The following COL19A1 variants were observed in gnomAD, a reference collection of about 807,000 sequenced individuals.
The protein encoded by COL19A1 is collagen type XIX alpha 1 chain, also known as collagen alpha-1(XIX) chain.
Under a neutral mutation model 190.2 loss-of-function variants are expected in COL19A1, and 159 were observed. That is an observed-to-expected ratio of 0.84 (90% CI 0.73 to 0.95). The LOEUF is 0.95. COL19A1 is among the 40% of genes least tolerant of loss of function. The pLI is 0.00. For synonymous variants in COL19A1, 509 were observed against 458.9 expected (o/e 1.11, Z -1.39); for missense variants, 1,418 against 1,431.9 (o/e 0.99, Z 0.16).
chr6:69,889,488 T>G (rs1159578023), intron 2 of COL19A1, among the ~76,000 whole-genome samples: 1 of 152,216 alleles, frequency 6.6e-6, no homozygotes, highest in Non-Finnish European at 1.5e-5. Context: ...AGAACTTTTC[T>G]GTCTAGCTAA....
At chr6:69,926,763 G>A (rs1772425182) in intron 4 of COL19A1, among the ~76,000 whole-genome samples, 1 of 152,060 alleles carries the variant, frequency 6.6e-6, no homozygotes, top group African/African-American at 2.4e-5. Context: ...TATACATTCA[G>A]GAAGCTCAAC....
At chr6:70,140,036 AG>A (rs1272107144) in intron 19 of COL19A1, among the ~76,000 whole-genome samples, 1 of 151,980 alleles carries the variant, frequency 6.6e-6, no homozygotes, top group Non-Finnish European at 1.5e-5. Flanking sequence ...AAAAACAAGC[AG>A]GGAAATAAGA....
chr6:70,137,541 G>A (rs1583001649), intron 18 of COL19A1, 144 bp from the exon 19 acceptor site: 1 of 697,078 alleles, frequency 1.4e-6, no homozygotes, highest in African/African-American at 1.8e-5. Context: ...AGCCTAAGTA[G>A]ATTCAGAACT....
At chr6:69,979,715 A>C (rs1015398533) in intron 11 of COL19A1, among the ~76,000 whole-genome samples, 3 of 151,614 alleles carry the variant, frequency 2.0e-5, no homozygotes, top group African/African-American at 7.2e-5. Context: ...AAAATCTAAG[A>C]GACTTTGGGA....
chr6:70,113,842 CTTTTTTTT>C (rs34876942), intron 16 of COL19A1, among the ~76,000 whole-genome samples: 3 of 64,138 alleles, frequency 4.7e-5, no homozygotes, highest in African/African-American at 6.9e-5. Context: ...CCAAGTCTTT[CTTTTTTTT>C]TTTTTTTTTT....
Position 70,208,354 on chromosome 6 carries a change from G to A in COL19A1, c.*1080G>A, listed in dbSNP as rs1017676373. The A allele has an allele frequency of 1.3e-5, 2 of 152,296 alleles. No homozygotes were observed. Among genetic ancestry groups the A allele is most frequent in the African/African-American group, 4.8e-5 (2 of 41,462 alleles). The allele number at this position is 152,296 out of a possible 1,614,324, so 9.4% of individuals were successfully genotyped here. A position where few individuals can be genotyped will look rare whatever the true frequency, so the allele number is the denominator to read the frequency against. ...AAGGTGAAGCCCAAAAGCTCTTAAG[G>A]AGAATTGTATTTCTCCAGAAGCTGC... is the stretch of plus-strand genomic sequence containing the variant. On this transcript the variant is annotated 3_prime_UTR_variant, in exon 51 of 51. Transcript: ENST00000620364.
At chr6:70,178,581 C>T (rs1765962173) in intron 42 of COL19A1, among the ~76,000 whole-genome samples, 1 of 152,074 alleles carries the variant, frequency 6.6e-6, no homozygotes, top group African/African-American at 2.4e-5. Flanking sequence ...GCACTTAGTG[C>T]CACTTAAGTG....
At chr6:69,996,395 A>G (rs935437235) in intron 11 of COL19A1, among the ~76,000 whole-genome samples, 3 of 152,102 alleles carry the variant, frequency 2.0e-5, no homozygotes, top group South Asian at 2.1e-4. Flanking sequence ...TCTTAGCCTT[A>G]TATTTGACTG....
chr6:70,068,095 T>C (rs1340817115), intron 14 of COL19A1, among the ~76,000 whole-genome samples: 1 of 152,052 alleles, frequency 6.6e-6, no homozygotes. Flanking sequence ...GGTATCTTTT[T>C]CTGCTTGCAA....
intron 20 of COL19A1, 147 bp downstream of exon 20, chr6:70,141,136 T>G: frequency 1.4e-6 from 1 of 693,330 alleles, no homozygotes; most frequent in Non-Finnish European, 2.4e-6. Flanking sequence ...GATTTTTAAC[T>G]CTTTTATTTT....
At chr6:70,009,129 A>G (rs966519663) in intron 11 of COL19A1, among the ~76,000 whole-genome samples, 4 of 151,990 alleles carry the variant, frequency 2.6e-5, no homozygotes, top group Admixed American at 6.6e-5. Flanking sequence ...TTTACATTCA[A>G]TATTATCCTG....
rs190315454 is a variant in COL19A1 at position 69,940,519 on chromosome 6, A to G, written c.936+2419A>G. On this transcript the variant is annotated intron_variant, in intron 9 of 50. Transcript: ENST00000620364. ...AATATTAGCCAATTTATTGTATGTC[A>G]AATCTATAAAATATACAAAAATGTA... Among the ~76,000 whole-genome samples the G allele has an allele frequency of 8.1e-3, 1,234 of 152,332 alleles. 16 individuals are homozygous for G. Among genetic ancestry groups the G allele is most frequent in the African/African-American group, 0.026 (1,069 of 41,582 alleles).
chr6:69,951,261 C>A (rs1168280253), intron 9 of COL19A1, among the ~76,000 whole-genome samples: 1 of 151,886 alleles, frequency 6.6e-6, no homozygotes, highest in African/African-American at 2.4e-5. Flanking sequence ...TGTCAGTTTT[C>A]TCTTTTATAA....
intron 4 of COL19A1, among the ~76,000 whole-genome samples, chr6:69,911,640 ACTT>A (rs1437700749): frequency 1.3e-5 from 2 of 151,994 alleles, no homozygotes; most frequent in African/African-American, 2.4e-5. Context: ...AACAATCTCA[ACTT>A]CTTCTCTCTA....
intron 15 of COL19A1, among the ~76,000 whole-genome samples, chr6:70,069,238 G>A (rs1005937708): frequency 9.9e-5 from 15 of 152,102 alleles, no homozygotes; most frequent in African/African-American, 3.1e-4. Context: ...GAGTTTAGAT[G>A]ATGTGCCTAA....
At chr6:70,199,328 C>T (rs1767400722) in intron 48 of COL19A1, among the ~76,000 whole-genome samples, 1 of 152,148 alleles carries the variant, frequency 6.6e-6, no homozygotes, top group Admixed American at 6.5e-5. Flanking sequence ...AGGTTAGATT[C>T]CATGCTAGTG....
intron 48 of COL19A1, among the ~76,000 whole-genome samples, chr6:70,193,551 G>A (rs1767008925): frequency 6.6e-6 from 1 of 152,146 alleles, no homozygotes; most frequent in Non-Finnish European, 1.5e-5. Context: ...GTCCAGGTGA[G>A]TGGCTGGACC....
chr6:70,190,018 G>A (rs145784524), intron 47 of COL19A1, among the ~76,000 whole-genome samples: 8 of 152,278 alleles, frequency 5.3e-5, no homozygotes, highest in South Asian at 2.1e-4. Flanking sequence ...TGAAGTCATA[G>A]GAATGTCTTC....
intron 14 of COL19A1, among the ~76,000 whole-genome samples, chr6:70,060,707 G>A (rs1780779728): frequency 6.6e-6 from 1 of 152,002 alleles, no homozygotes; most frequent in Admixed American, 6.6e-5. Flanking sequence ...ACAAGCTCAG[G>A]ACTCTCACTG....
Sources: gnomAD v4.1 joint callset for allele counts (sites outside exome capture counted in the v4.1 genomes callset) on GRCh38, gnomAD v4.1.1 for gene constraint, MANE v1.5 for transcripts, NCBI Gene and HGNC (gene_info 2026-07-23, HGNC 2026-07-21) for gene names.